ROBO2: variants seen among roughly 807,000 people sequenced by gnomAD.
ROBO2 encodes the protein roundabout guidance receptor 2.
A neutral mutation model predicts 160.8 loss-of-function variants in ROBO2; 53 were observed. That is an observed-to-expected ratio of 0.33 (90% CI 0.26 to 0.41). The LOEUF is 0.41. Ranked by LOEUF, ROBO2 falls within the 10% of genes least tolerant of loss-of-function variation. The pLI is 1.00. For synonymous variants in ROBO2, 664 were observed against 611.7 expected (o/e 1.09, Z -1.26); for missense variants, 1,577 against 1,722.4 (o/e 0.92, Z 1.49).
At chr3:77,357,627 G>C (rs2069322616) in intron 2 of ROBO2, among the ~76,000 whole-genome samples, 1 of 152,088 alleles carries the variant, frequency 6.6e-6, no homozygotes, top group Non-Finnish European at 1.5e-5. Context: ...TCTTATTCAT[G>C]GTCACCCAGC....
At chr3:76,364,331 T>C (rs1264986617) in intron 2 of ROBO2, among the ~76,000 whole-genome samples, 2 of 152,108 alleles carry the variant, frequency 1.3e-5, no homozygotes, top group Middle Eastern at 3.2e-3. Flanking sequence ...TCAGCATTTG[T>C]TGCAATCTGA....
chr3:77,381,425 C>G (rs1191380289), intron 2 of ROBO2, among the ~76,000 whole-genome samples: 1 of 152,136 alleles, frequency 6.6e-6, no homozygotes, highest in African/African-American at 2.4e-5. Flanking sequence ...AAGCCATGAT[C>G]AGATTTCCAG....
intron 2 of ROBO2, among the ~76,000 whole-genome samples, chr3:76,779,905 T>C (rs114207678): frequency 7.9e-5 from 12 of 151,154 alleles, no homozygotes; most frequent in African/African-American, 2.7e-4. Context: ...TTCCTTTGAA[T>C]GTATATCTAG....
chr3:76,119,818 A>T (rs1399343095), intron 2 of ROBO2, among the ~76,000 whole-genome samples: 1 of 151,860 alleles, frequency 6.6e-6, no homozygotes, highest in African/African-American at 2.4e-5. Flanking sequence ...GACTGACCAC[A>T]CATGACTTAC....
At chr3:77,561,341 T>C (rs566227059) in intron 9 of ROBO2, among the ~76,000 whole-genome samples, 6 of 152,296 alleles carry the variant, frequency 3.9e-5, no homozygotes, top group African/African-American at 1.2e-4. Context: ...TGTCTGACTT[T>C]GTTTGGTCAT....
At chr3:76,356,301 G>T (rs1576628927) in intron 2 of ROBO2, among the ~76,000 whole-genome samples, 2 of 150,898 alleles carry the variant, frequency 1.3e-5, no homozygotes, top group South Asian at 2.1e-4. Context: ...GGAATCAATA[G>T]AATAAAATAA....
At chr3:76,544,150 C>G (rs906038082) in intron 2 of ROBO2, among the ~76,000 whole-genome samples, 1 of 152,038 alleles carries the variant, frequency 6.6e-6, no homozygotes, top group African/African-American at 2.4e-5. Flanking sequence ...GAAATATGCT[C>G]AGTTTCTTCA....
At chr3:77,209,356 A>G (rs2083818875) in intron 2 of ROBO2, among the ~76,000 whole-genome samples, 1 of 152,210 alleles carries the variant, frequency 6.6e-6, no homozygotes, top group East Asian at 1.9e-4. Flanking sequence ...TCACATAAAA[A>G]CATCTTAACT....
chr3:77,375,616 AAC>A (rs1295366820), intron 2 of ROBO2, among the ~76,000 whole-genome samples: 1 of 152,204 alleles, frequency 6.6e-6, no homozygotes, highest in Non-Finnish European at 1.5e-5. Context: ...CTAAACTAGA[AAC>A]ATACTAGGGT....
intron 2 of ROBO2, among the ~76,000 whole-genome samples, chr3:76,599,611 T>C (rs1044691488): frequency 6.6e-6 from 1 of 152,210 alleles, no homozygotes; most frequent in African/African-American, 2.4e-5. Context: ...TTTAGGTTTT[T>C]GAGGAATCAC....
At chr3:77,144,162 T>A (rs1205438422) in intron 2 of ROBO2, among the ~76,000 whole-genome samples, 1 of 152,218 alleles carries the variant, frequency 6.6e-6, no homozygotes, top group East Asian at 1.9e-4. Context: ...TCTAACTTTG[T>A]GGCTTATCTG....
chr3:76,969,022 C>T (rs957321155), intron 2 of ROBO2, among the ~76,000 whole-genome samples: 3 of 152,082 alleles, frequency 2.0e-5, no homozygotes, highest in Non-Finnish European at 4.4e-5. Context: ...TAATGTGTGT[C>T]TTGATACTAC....
At chr3:77,151,669 C>T (rs560433563) in intron 2 of ROBO2, among the ~76,000 whole-genome samples, 42 of 152,130 alleles carry the variant, frequency 2.8e-4, no homozygotes, top group South Asian at 6.2e-4. Flanking sequence ...AGTCATTTAC[C>T]AAGTGCCCAA....
At chr3:76,957,641 A>C (rs1433160623) in intron 2 of ROBO2, among the ~76,000 whole-genome samples, 1 of 151,800 alleles carries the variant, frequency 6.6e-6, no homozygotes, top group Admixed American at 6.6e-5. Flanking sequence ...GACCAACCTG[A>C]CCAACATGAT....
At chr3:76,381,483 G>A (rs902958988) in intron 2 of ROBO2, among the ~76,000 whole-genome samples, 36 of 152,104 alleles carry the variant, frequency 2.4e-4, no homozygotes, top group African/African-American at 8.2e-4. Context: ...CTGAGTAGCT[G>A]GGACTACAGA....
At chr3:76,787,414 C>A (rs1219648521) in intron 2 of ROBO2, among the ~76,000 whole-genome samples, 1 of 150,236 alleles carries the variant, frequency 6.7e-6, no homozygotes, top group Non-Finnish European at 1.5e-5. Flanking sequence ...CTAGATTTGG[C>A]CCATGGGTCA....
At chr3:76,464,917 T>C (rs1390313654) in intron 2 of ROBO2, among the ~76,000 whole-genome samples, 1 of 152,140 alleles carries the variant, frequency 6.6e-6, no homozygotes, top group African/African-American at 2.4e-5. Context: ...TACCAAGTAT[T>C]ATCTTCCTTA....
At chr3:76,300,587 C>A (rs1709305021) in intron 2 of ROBO2, among the ~76,000 whole-genome samples, 1 of 151,720 alleles carries the variant, frequency 6.6e-6, no homozygotes, top group Non-Finnish European at 1.5e-5. Context: ...TTAACAAATT[C>A]TTCTACTTAG....
chr3:76,973,162 C>T (rs2059652940), intron 2 of ROBO2, among the ~76,000 whole-genome samples: 1 of 152,158 alleles, frequency 6.6e-6, no homozygotes, highest in South Asian at 2.1e-4. Context: ...TCAGAGACTA[C>T]GATTTGCATC....
Sources: allele counts gnomAD v4.1 joint callset (sites outside exome capture counted in the v4.1 genomes callset), GRCh38; gene constraint gnomAD v4.1.1; transcripts MANE v1.5; gene names NCBI Gene and HGNC (gene_info 2026-07-23, HGNC 2026-07-21).